EIF2S3B: variants seen among roughly 807,000 people sequenced by gnomAD.
The protein encoded by EIF2S3B is eukaryotic translation initiation factor 2 subunit 3B.
In EIF2S3B, 16 loss-of-function variants were observed where a neutral mutation model predicts 26.4. The observed-to-expected ratio is 0.61, with a 90% CI of 0.41 to 0.92. EIF2S3B has a LOEUF of 0.92. Ranked by LOEUF, EIF2S3B falls within the 40% of genes least tolerant of loss-of-function variation. EIF2S3B has a pLI of 0.00. For missense variants in EIF2S3B, 510 were observed against 575.5 expected (o/e 0.89, Z 1.16); for synonymous variants, 183 against 204.4 (o/e 0.90, Z 0.89).
chr12:10,507,504 A>G lies in EIF2S3B; in HGVS notation c.*183A>G. ...TTATGAAAACTTAGGGACTACAATT[A>G]GTATAAAAATTGGCATAATGTTGGA... On this transcript the variant is annotated 3_prime_UTR_variant, in exon 1 of 1. Coordinates refer to ENST00000538173, the MANE Select transcript of EIF2S3B (RefSeq NM_001357734.3). The G allele has an allele frequency of 1.4e-6, 1 of 691,072 alleles. No homozygotes were observed. 42.8% of individuals were successfully genotyped at this position (691,072 alleles called of 1,614,324 possible).
downstream of EIF2S3B, among the ~76,000 whole-genome samples, chr12:10,513,352 A>G (rs577301739): frequency 2.0e-5 from 3 of 152,332 alleles, no homozygotes; most frequent in South Asian, 6.2e-4. Context: ...ACTAGTGGCT[A>G]TCAGGCATAA....
exon 2 of EIF2S3B, chr12:10,522,645 G>C: frequency 1.4e-6 from 1 of 696,846 alleles, no homozygotes; most frequent in South Asian, 1.5e-5. Context: ...ATTAGAATGG[G>C]GCCCAGTTCT....
chr12:10,521,296 A>T (rs1380169860), intron 1 of EIF2S3B, among the ~76,000 whole-genome samples: 1 of 152,168 alleles, frequency 6.6e-6, no homozygotes, highest in Non-Finnish European at 1.5e-5. Flanking sequence ...AAAAATGAAC[A>T]AATCCTGGGA....
At chr12:10,522,465 C>A in intron 1 of EIF2S3B, 1 of 499,172 alleles carries the variant, frequency 2.0e-6, no homozygotes. Flanking sequence ...GGACTTAGAA[C>A]AAAGCATCAT....
exon 2 of EIF2S3B, chr12:10,522,763 C>A: frequency 1.6e-6 from 1 of 633,062 alleles, no homozygotes. Flanking sequence ...TCTGGAGATT[C>A]TTTGCAGGCT....
At position 10,506,258 on chromosome 12, in the gene EIF2S3B, G is replaced by A; in HGVS notation, c.356G>A (p.Gly119Glu). 2 of 1,612,574 alleles carry A rather than the reference G, an allele frequency of 1.2e-6. No homozygotes were observed. Among genetic ancestry groups the A allele is most frequent in the South Asian group, 1.1e-5 (1 of 91,042 alleles). ...GATGAGTTTCCTACAGACATTCCAGGAACCAAAGGGAACTTCAGATTAGTC... is the reference window on the plus strand; with the variant it reads ...GATGAGTTTCCTACAGACATTCCAGAAACCAAAGGGAACTTCAGATTAGTC... ...MPDEFPTDIP[G>E]TKGNFRLVRH... is the part of the protein sequence containing the mutation. Residue 119 changes from glycine (G) to glutamate (E), a missense_variant, in exon 1 of 1, where the codon GGA becomes GAA. By Grantham distance (98) the Gly-to-Glu change is moderately conservative. Coordinates refer to ENST00000538173, the MANE Select transcript of EIF2S3B (RefSeq NM_001357734.3).
chr12:10,516,023 T>G (rs1354599091), intron 1 of EIF2S3B, among the ~76,000 whole-genome samples: 1 of 151,650 alleles, frequency 6.6e-6, no homozygotes, highest in Non-Finnish European at 1.5e-5. Flanking sequence ...AAATAAATTA[T>G]TTTAAAATTT....
Position 10,506,790 on chromosome 12 carries a change from A to C in EIF2S3B, c.888A>C (p.Val296=), listed in dbSNP as rs753953264. The C allele has an allele frequency of 4.7e-5, 76 of 1,613,586 alleles. No homozygotes were observed. The highest frequency in any genetic ancestry group is 6.1e-5 in the Non-Finnish European group (72 of 1,179,570). Reference sequence around the variant, plus strand: ...TAAAGGTGGGCCAGGAGACAGAAGTAAGACCTGGTATTGTTTCCAAAGATA... The same window carrying C: ...TAAAGGTGGGCCAGGAGACAGAAGTCAGACCTGGTATTGTTTCCAAAGATA... ...GVLKVGQETE[V]RPGIVSKDSE... is the part of the protein sequence containing the mutation. The change falls in exon 1 of 1, where the codon GTA becomes GTC. Residue 296 remains valine, a synonymous_variant. Coordinates refer to ENST00000538173, the MANE Select transcript of EIF2S3B (RefSeq NM_001357734.3).
chr12:10,513,000 T>C (rs1864720535), downstream of EIF2S3B, among the ~76,000 whole-genome samples: 1 of 152,186 alleles, frequency 6.6e-6, no homozygotes, highest in South Asian at 2.1e-4. Flanking sequence ...ACTTTGTTAG[T>C]TGTAACCCAA....
intron 1 of EIF2S3B, among the ~76,000 whole-genome samples, chr12:10,520,639 T>C (rs1001372698): frequency 6.6e-6 from 1 of 152,190 alleles, no homozygotes; most frequent in African/African-American, 2.4e-5. Flanking sequence ...AAAAACAGTT[T>C]ACCTTTACTT....
At chr12:10,510,833 G>A (rs150046470), downstream of EIF2S3B, among the ~76,000 whole-genome samples, 74 of 152,160 alleles carry the variant, frequency 4.9e-4, no homozygotes, top group African/African-American at 1.7e-3. Context: ...TCTTCCTGCA[G>A]GAAGAAATCT....
At chr12:10,512,942 C>T (rs1183909397), downstream of EIF2S3B, among the ~76,000 whole-genome samples, 2 of 152,090 alleles carry the variant, frequency 1.3e-5, no homozygotes, top group Non-Finnish European at 2.9e-5. Context: ...ATTCATAAGA[C>T]GCTTTTATCA....
In EIF2S3B at chr12:10,507,330, G is replaced by A. The variant is rs533368377; in HGVS notation, c.*9G>A. ...CAGTAGATGATGACTGAAGAATACCGGTTAAATAATACATTCGGATGGAGC... is the reference window on the plus strand; with the variant it reads ...CAGTAGATGATGACTGAAGAATACCAGTTAAATAATACATTCGGATGGAGC... On this transcript the variant is annotated 3_prime_UTR_variant, in exon 1 of 1. Transcript: ENST00000538173. The A allele has an allele frequency of 3.1e-5, 50 of 1,612,500 alleles. No individual in the cohort carries two copies. The highest frequency in any genetic ancestry group is 1.4e-4 in the South Asian group (13 of 91,030).
At chr12:10,521,451 A>G (rs1251346285) in intron 1 of EIF2S3B, among the ~76,000 whole-genome samples, 3 of 152,076 alleles carry the variant, frequency 2.0e-5, no homozygotes, top group Non-Finnish European at 4.4e-5. Flanking sequence ...GATAGTCCCC[A>G]AGGTCAAATA....
At position 10,506,186 on chromosome 12, in the gene EIF2S3B, G is replaced by C. The variant is rs1169951700; in HGVS notation, c.284G>C (p.Ser95Thr). ...AAGATTTATCAACTTGATGACCCAA[G>C]TTGCCCTCGGCCAGAATGTTATCGA... ...NAKIYQLDDP[S>T]CPRPECYRSC... The change falls in exon 1 of 1, where the codon AGT becomes ACT. Residue 95 changes from serine (S) to threonine (T), a missense_variant. Coordinates refer to ENST00000538173, the MANE Select transcript of EIF2S3B (RefSeq NM_001357734.3). 2.5e-6 allele frequency: 4 copies of C among 1,575,140 alleles called. No individual in the cohort carries two copies. The Admixed American group carries it at 6.7e-5, about 26-fold the overall frequency.
At chr12:10,521,877 C>T (rs904104076) in intron 1 of EIF2S3B, among the ~76,000 whole-genome samples, 10 of 152,156 alleles carry the variant, frequency 6.6e-5, no homozygotes, top group African/African-American at 2.4e-4. Context: ...TCTGAAAGAA[C>T]CTTAAACTTG....
chr12:10,515,491 C>T (rs745846139), intron 1 of EIF2S3B, among the ~76,000 whole-genome samples: 1 of 151,868 alleles, frequency 6.6e-6, no homozygotes, highest in African/African-American at 2.4e-5. Flanking sequence ...GTGTAGAGGA[C>T]AGTTTTGTAA....
downstream of EIF2S3B, among the ~76,000 whole-genome samples, chr12:10,512,766 C>T (rs1864718327): frequency 1.3e-5 from 2 of 152,050 alleles, no homozygotes; most frequent in African/African-American, 4.8e-5. Flanking sequence ...ATCATTTTTC[C>T]TCTAACATTT....
chr12:10,517,765 T>C (rs1864775494), intron 1 of EIF2S3B, among the ~76,000 whole-genome samples: 1 of 152,266 alleles, frequency 6.6e-6, no homozygotes, highest in Non-Finnish European at 1.5e-5. Flanking sequence ...TAAATTTCCC[T>C]GTACACACTG....
Sources: allele counts gnomAD v4.1 joint callset (sites outside exome capture counted in the v4.1 genomes callset), GRCh38; gene constraint gnomAD v4.1.1; transcripts MANE v1.5; gene names NCBI Gene and HGNC (gene_info 2026-07-23, HGNC 2026-07-21).